RAPGEF3: variants seen among roughly 807,000 people sequenced by gnomAD.
RAPGEF3 encodes the protein 9330170P05Rik.
RAPGEF3 carries 103 observed loss-of-function variants against 129.8 expected under a neutral mutation model. The observed-to-expected ratio is 0.79, with a 90% CI of 0.68 to 0.93. The LOEUF is 0.93. RAPGEF3 is among the 40% of genes least tolerant of loss of function. The probability of loss-of-function intolerance (pLI) is 0.00; values close to 1 mark genes in which losing one functional copy is unlikely to be tolerated. For missense variants in RAPGEF3, 1,117 were observed against 1,207.4 expected, an observed-to-expected ratio of 0.93 and a Z score of 1.11; for synonymous variants, 436 against 482.6, an observed-to-expected ratio of 0.90 and a Z score of 1.26.
chr12:47,751,561 G>A (rs1941749689), intron 4 of RAPGEF3, 41 bp from the exon 5 acceptor site: 1 of 1,612,722 alleles, frequency 6.2e-7, no homozygotes, highest in Non-Finnish European at 8.5e-7. Flanking sequence ...GAAGGAGGGT[G>A]GCAGGGAGAG....
chr12:47,741,121 G>A, intron 19 of RAPGEF3, 81 bp from the exon 20 acceptor site: 4 of 1,486,826 alleles, frequency 2.7e-6, no homozygotes, highest in Admixed American at 3.7e-5. Context: ...TTGGGGCAAG[G>A]ACTCTATGCT....
At chr12:47,744,120 C>A in intron 16 of RAPGEF3, 52 bp from the exon 17 acceptor site, 2 of 1,455,226 alleles carry the variant, frequency 1.4e-6, no homozygotes, top group Non-Finnish European at 1.9e-6. Flanking sequence ...GAGAGGAGAC[C>A]GTGGAGGGAG....
At position 47,739,158 on chromosome 12, in the gene RAPGEF3, G is replaced by T. The variant is rs763136670; in HGVS notation, c.2446C>A (p.Pro816Thr). The T allele has an allele frequency of 3.7e-6, 6 of 1,603,056 alleles. No homozygotes were observed. Among genetic ancestry groups the T allele is most frequent in the Admixed American group, 1.7e-5 (1 of 57,744 alleles). ...GCCCTGTTACCTTTGAGAAGAAGGG[G>T]CATGAAGGGGATGACAGGAGGGGAG... ...KLSPPVIPFM[P>T]LLLKDMTFIH... Residue 816 changes from proline (P) to threonine (T), a missense_variant, in exon 24 of 28, where the codon CCC becomes ACC. Pro to Thr is a conservative substitution (Grantham distance 38, BLOSUM62 -1). Transcript: ENST00000449771.
chr12:47,741,156 G>A, intron 19 of RAPGEF3, 116 bp from the exon 20 acceptor site: 1 of 1,306,480 alleles, frequency 7.7e-7, no homozygotes, highest in African/African-American at 1.5e-5. Context: ...GGTTAGGAGG[G>A]CAGGAGTGGG....
In RAPGEF3 at chr12:47,749,893, G is replaced by A; in HGVS notation, c.817+37C>T. ...CACACATCCTTCTGCCCATGTCCAG[G>A]CCCTGTGCCTGGCTTCTTATGCCCT... On this transcript the variant is annotated intron_variant, in intron 8 of 27. Coordinates refer to ENST00000449771, the MANE Select transcript of RAPGEF3 (RefSeq NM_001098531.4). The surrounding 1 kb of genome is among the most constrained non-coding windows in gnomAD (Gnocchi z 4.5). 6.2e-7 allele frequency: 1 copy of A among 1,614,014 alleles called. No individual in the cohort carries two copies. The highest frequency in any genetic ancestry group is 1.3e-5 in the African/African-American group (1 of 75,066).
rs778579259 is a variant in RAPGEF3 at position 47,749,324 on chromosome 12, ACTC to A, written c.1041+63_1041+65del. The A allele has an allele frequency of 6.7e-5, 75 of 1,120,376 alleles. No individual in the cohort carries two copies. The Middle Eastern group carries it at 2.6e-3, about 38-fold the overall frequency. 69.4% of individuals were successfully genotyped at this position (1,120,376 alleles called of 1,614,324 possible). Reference sequence around the variant, plus strand: ...TTACAGGCCCTCTGCTCTGGTCCCTACTCCTCTCTCCACATCACTTCTCTGGAC... The same window carrying A: ...TTACAGGCCCTCTGCTCTGGTCCCTACTCTCTCCACATCACTTCTCTGGAC... On this transcript the variant is annotated intron_variant, in intron 10 of 27. Transcript: ENST00000449771. The surrounding 1 kb of genome is among the most constrained non-coding windows in gnomAD (Gnocchi z 4.5).
chr12:47,740,876 CCGCCG>C (rs1189687235), intron 20 of RAPGEF3, 34 bp downstream of exon 20: 1 of 1,613,504 alleles, frequency 6.2e-7, no homozygotes, highest in African/African-American at 1.3e-5. Context: ...GCCGGGCGCC[CCGCCG>C]CCTGCTCTCC....
At chr12:47,743,448 T>G in intron 18 of RAPGEF3, 82 bp downstream of exon 18, 1 of 1,494,550 alleles carries the variant, frequency 6.7e-7, no homozygotes, top group Non-Finnish European at 9.1e-7. Flanking sequence ...ATGACAATGA[T>G]GACAATGATC....
At chr12:47,739,280 C>A (rs1464767959) in intron 23 of RAPGEF3, 50 bp from the exon 24 acceptor site, 1 of 1,434,100 alleles carries the variant, frequency 7.0e-7, no homozygotes, top group East Asian at 2.3e-5. Context: ...TAAGCCACCA[C>A]AGACCCCACC....
chr12:47,748,712 C>T (rs1941575461), intron 11 of RAPGEF3, 107 bp downstream of exon 11: 9 of 1,050,732 alleles, frequency 8.6e-6, no homozygotes, highest in Admixed American at 1.8e-5. Flanking sequence ...CAATACCTCT[C>T]CATCCACAAG....
chr12:47,741,116 G>C, intron 19 of RAPGEF3, 76 bp from the exon 20 acceptor site: 12 of 1,506,618 alleles, frequency 8.0e-6, no homozygotes, highest in Non-Finnish European at 1.1e-5. Context: ...GAGGGTTGGG[G>C]CAAGGACTCT....
intron 19 of RAPGEF3, 172 bp from the exon 20 acceptor site, chr12:47,741,212 C>G (rs1284982032): frequency 7.9e-6 from 7 of 890,754 alleles, no homozygotes; most frequent in African/African-American, 1.7e-5. Context: ...GATAGGGCTC[C>G]CCAGTGCTGA....
chr12:47,758,124 G>A (rs1412045759), intron 1 of RAPGEF3, 46 bp from the exon 2 acceptor site: 1 of 1,531,406 alleles, frequency 6.5e-7, no homozygotes, highest in Non-Finnish European at 8.8e-7. Context: ...CACGACTGGG[G>A]CGGCTGGGCC....
chr12:47,750,031 T>C (rs779396325), intron 7 of RAPGEF3, 41 bp from the exon 8 acceptor site: 5 of 1,611,796 alleles, frequency 3.1e-6, no homozygotes, highest in Non-Finnish European at 4.2e-6. Context: ...GACAAGTTCA[T>C]GTGCAGAGCA....
chr12:47,747,643 T>C lies in RAPGEF3; in HGVS notation c.1474-17A>G, dbSNP rs916551444. 4.3e-6 allele frequency: 7 copies of C among 1,613,494 alleles called. No homozygotes were observed. The highest frequency in any genetic ancestry group is 3.3e-4 in the Middle Eastern group (2 of 6,082). On this transcript the variant is annotated splice_polypyrimidine_tract_variant and intron_variant, in intron 14 of 27. Transcript: ENST00000449771. ...TGAGAGTTTCTAAGAAGAGCCAAGA[T>C]TCACTGAGATGGCTGTAGCTGCATC...
Position 47,754,228 on chromosome 12 carries a change from T to G in RAPGEF3, c.220-2259A>C, listed in dbSNP as rs963432012. The stretch of plus-strand genomic sequence containing the variant: ...CATTATGCCCTACCGTCTTCCATTA[T>G]GCCTATTCCCATGTTTCCTCAGCTT... On this transcript the variant is annotated intron_variant, in intron 2 of 27. Coordinates refer to ENST00000449771, the MANE Select transcript of RAPGEF3 (RefSeq NM_001098531.4). 2.6e-5 allele frequency among the ~76,000 whole-genome samples: 4 copies of G among 152,388 alleles called. No homozygotes were observed. In the East Asian group the frequency reaches 7.7e-4, roughly 29 times the overall value.
At chr12:47,755,140 T>C (rs1941978842) in intron 2 of RAPGEF3, among the ~76,000 whole-genome samples, 1 of 152,172 alleles carries the variant, frequency 6.6e-6, no homozygotes, top group East Asian at 1.9e-4. Flanking sequence ...ATGGTGGTTA[T>C]GTGGTTATGA....
intron 25 of RAPGEF3, 125 bp downstream of exon 25, chr12:47,738,565 G>A: frequency 1.1e-6 from 1 of 907,998 alleles, no homozygotes; most frequent in Non-Finnish European, 1.8e-6. Flanking sequence ...CTATTACACA[G>A]TAAGTATTCA....
At chr12:47,748,788 G>A (rs1565760227) in intron 11 of RAPGEF3, 31 bp downstream of exon 11, 5 of 1,443,464 alleles carry the variant, frequency 3.5e-6, no homozygotes, top group Non-Finnish European at 4.9e-6. Flanking sequence ...AGGAGGGACA[G>A]TGTGGAGAGG....
Sources: gnomAD v4.1 joint callset for allele counts (sites outside exome capture counted in the v4.1 genomes callset) on GRCh38, gnomAD v4.1.1 for gene constraint, Gnocchi (gnomAD v3.1) non-coding constraint, MANE v1.5 for transcripts, NCBI Gene and HGNC (gene_info 2026-07-23, HGNC 2026-07-21) for gene names.